The following PRPF18 variants were observed in gnomAD, a reference collection of about 807,000 sequenced individuals.
The protein encoded by PRPF18 is pre-mRNA-splicing factor 18.
In PRPF18, 38 loss-of-function variants were observed where a neutral mutation model predicts 46.5. The ratio of observed to expected loss-of-function variants is 0.82; its 90% CI spans 0.63 to 1.07. The LOEUF (loss-of-function observed/expected upper bound fraction) is 1.07, where lower values mean the gene tolerates loss of function less well. Among genes scored for constraint, PRPF18 ranks in the 50% least tolerant of loss-of-function variants. PRPF18 has a pLI of 0.00. For missense variants in PRPF18, 263 were observed against 410.0 expected, an observed-to-expected ratio of 0.64 and a Z score of 3.10; for synonymous variants, 152 against 146.7, an observed-to-expected ratio of 1.04 and a Z score of -0.26.
chr10:13,610,782 T>C (rs1430485256), intron 5 of PRPF18, among the ~76,000 whole-genome samples: 1 of 152,198 alleles, frequency 6.6e-6, no homozygotes, highest in Non-Finnish European at 1.5e-5. Flanking sequence ...ATATTTAACT[T>C]GTCTAAGTAC....
At chr10:13,618,358 T>A (rs1346822188) in intron 9 of PRPF18, among the ~76,000 whole-genome samples, 1 of 152,106 alleles carries the variant, frequency 6.6e-6, no homozygotes, top group Non-Finnish European at 1.5e-5. Flanking sequence ...CTGAGCATGG[T>A]GGCTCACACC....
At chr10:13,650,345 G>A in the PRPF18 span, among the ~76,000 whole-genome samples, 1 of 152,170 alleles carries the variant, frequency 6.6e-6, no homozygotes, top group Admixed American at 6.5e-5. Context: ...TGTCTTACCT[G>A]GTCTGGGAAG....
intron 1 of PRPF18, among the ~76,000 whole-genome samples, chr10:13,590,121 TA>T (rs5783335): frequency 1.0e-3 from 155 of 149,900 alleles, no homozygotes; most frequent in African/African-American, 3.5e-3. Flanking sequence ...AAATGATCAT[TA>T]AAAAAAAAAC....
chr10:13,608,707 A>T (rs1016440320), intron 4 of PRPF18, among the ~76,000 whole-genome samples: 1 of 152,086 alleles, frequency 6.6e-6, no homozygotes, highest in Non-Finnish European at 1.5e-5. Context: ...GTTTTTCGCT[A>T]TTATTAGAGT....
chr10:13,610,333 C>T lies in PRPF18; in HGVS notation c.510+148C>T, dbSNP rs904255103. On this transcript the variant is annotated intron_variant, in intron 5 of 9. Coordinates refer to ENST00000378572, the MANE Select transcript of PRPF18 (RefSeq NM_003675.4). ...ACTCCTCGCTTTTATTTATTTACTC[C>T]CCTTTTTCTCATCCTCCACTCACAT... 2.3e-5 allele frequency: 21 copies of T among 904,460 alleles called. 1 individual carries two copies. The Admixed American group carries it at 3.3e-4, about 14-fold the overall frequency. The allele number at this position is 904,460 out of a possible 1,614,324, so 56.0% of individuals were successfully genotyped here.
intron 2 of PRPF18, among the ~76,000 whole-genome samples, chr10:13,598,339 C>T (rs2080062803): frequency 6.6e-6 from 1 of 152,036 alleles, no homozygotes; most frequent in South Asian, 2.1e-4. Flanking sequence ...ATACTTTTGC[C>T]AAATCATAAA....
At chr10:13,606,842 T>C (rs1007174214) in intron 4 of PRPF18, among the ~76,000 whole-genome samples, 11 of 152,024 alleles carry the variant, frequency 7.2e-5, no homozygotes, top group Non-Finnish European at 1.3e-4. Flanking sequence ...AATAGGTCTC[T>C]TGGGGAGATA....
the PRPF18 span, among the ~76,000 whole-genome samples, chr10:13,649,999 T>C: frequency 7.9e-5 from 12 of 152,168 alleles, no homozygotes; most frequent in Non-Finnish European, 1.3e-4. Flanking sequence ...CAGCAAGTGG[T>C]GACTTCAGAA....
At chr10:13,608,193 G>GT (rs2080217369) in intron 4 of PRPF18, among the ~76,000 whole-genome samples, 1 of 152,208 alleles carries the variant, frequency 6.6e-6, no homozygotes, top group Admixed American at 6.5e-5. Flanking sequence ...CAGTTCTGTG[G>GT]TTTTATTGGG....
chr10:13,613,907 T>C, intron 7 of PRPF18, 26 bp downstream of exon 7: 1 of 1,594,044 alleles, frequency 6.3e-7, no homozygotes, highest in Non-Finnish European at 8.5e-7. Context: ...AAATACTTTT[T>C]TTAACTGACT....
chr10:13,611,701 G>C lies in PRPF18; in HGVS notation c.579+18G>C. The C allele has an allele frequency of 1.2e-6, 2 of 1,607,308 alleles. No homozygotes were observed. The highest frequency in any genetic ancestry group is 1.7e-6 in the Non-Finnish European group (2 of 1,174,014). On this transcript the variant is annotated intron_variant, in intron 6 of 9. Coordinates refer to ENST00000378572, the MANE Select transcript of PRPF18 (RefSeq NM_003675.4). Reference sequence around the variant, plus strand: ...TCCTGAAGGTGCGTGTCTTAGGCGAGGGGATGAGGATGCCTTGGATCCTTA... The same window carrying C: ...TCCTGAAGGTGCGTGTCTTAGGCGACGGGATGAGGATGCCTTGGATCCTTA...
the PRPF18 span, chr10:13,637,090 G>GA: frequency 0.47 from 72,049 of 152,014 alleles, 19,549 homozygotes; most frequent in East Asian, 0.75. Flanking sequence ...ACTGATGATG[G>GA]ACATGTGAGT....
At chr10:13,654,405 GGA>G in the PRPF18 span, 3 of 1,554,878 alleles carry the variant, frequency 1.9e-6, no homozygotes, top group Admixed American at 5.0e-5. Context: ...GAACATAGAA[GGA>G]GAACTCACCC....
At chr10:13,650,715 T>A in the PRPF18 span, among the ~76,000 whole-genome samples, 2 of 152,188 alleles carry the variant, frequency 1.3e-5, no homozygotes, top group African/African-American at 4.8e-5. Flanking sequence ...TGTCCTAACT[T>A]ACTTTTCAAA....
At chr10:13,648,056 C>A in the PRPF18 span, 1 of 152,174 alleles carries the variant, frequency 6.6e-6, no homozygotes, top group East Asian at 1.9e-4. Context: ...TCATCCCCAG[C>A]TTTCTATTTC....
the PRPF18 span, chr10:13,645,975 T>A: frequency 2.0e-5 from 3 of 152,510 alleles, no homozygotes; most frequent in African/African-American, 7.2e-5. Flanking sequence ...TTACTACAAA[T>A]CCTGAAAGGA....
chr10:13,587,351 G>A (rs955709816), intron 1 of PRPF18, 199 bp downstream of exon 1: 9 of 618,084 alleles, frequency 1.5e-5, no homozygotes, highest in Non-Finnish European at 2.6e-5. Context: ...GGGTCTGAGA[G>A]CAGGGAACTT....
chr10:13,605,832 A>C, intron 4 of PRPF18, 88 bp downstream of exon 4: 6 of 1,429,046 alleles, frequency 4.2e-6, no homozygotes, highest in Non-Finnish European at 5.5e-6. Context: ...GTAGGCAACA[A>C]TGGAAAAGTA....
chr10:13,616,351 G>A, intron 8 of PRPF18, 47 bp from the exon 9 acceptor site: 1 of 1,537,926 alleles, frequency 6.5e-7, no homozygotes, highest in South Asian at 1.2e-5. Flanking sequence ...ATTTGAGCCA[G>A]TACAACATTT....
Sources: gnomAD v4.1 joint callset for allele counts (sites outside exome capture counted in the v4.1 genomes callset) on GRCh38, gnomAD v4.1.1 for gene constraint, MANE v1.5 for transcripts, NCBI Gene and HGNC (gene_info 2026-07-23, HGNC 2026-07-21) for gene names.